NDUFAF6: variants seen among roughly 807,000 people sequenced by gnomAD.
NDUFAF6 encodes NADH dehydrogenase (ubiquinone) complex I, assembly factor 6.
In NDUFAF6, 45 loss-of-function variants were observed where a neutral mutation model predicts 40.8. The observed-to-expected ratio is 1.10, with a 90% CI of 0.87 to 1.42. The LOEUF (loss-of-function observed/expected upper bound fraction) is 1.42. Among genes scored for constraint, NDUFAF6 ranks in the 40% most tolerant of loss-of-function variants. The pLI, the probability that NDUFAF6 is intolerant of heterozygous loss-of-function variation, is 0.00. For missense variants in NDUFAF6, 435 were observed against 418.5 expected (o/e 1.04, Z -0.34); for synonymous variants, 185 against 155.9 (o/e 1.19, Z -1.39).
At chr8:94,995,641 C>T (rs1038286538) in intron 2 of NDUFAF6, among the ~76,000 whole-genome samples, 7 of 151,962 alleles carry the variant, frequency 4.6e-5, no homozygotes, top group South Asian at 2.1e-4. Context: ...ACTGAGAAAT[C>T]GCTTCATAGT....
intron 2 of NDUFAF6, among the ~76,000 whole-genome samples, chr8:95,014,501 G>A (rs1229382325): frequency 1.3e-5 from 2 of 152,336 alleles, no homozygotes; most frequent in South Asian, 2.1e-4. Context: ...CTCTGGGTAA[G>A]ATGAGAAGGT....
At chr8:94,971,126 C>G (rs10504939) in intron 1 of NDUFAF6, among the ~76,000 whole-genome samples, 19,933 of 152,230 alleles carry the variant, frequency 0.13, 1,638 homozygotes, top group Middle Eastern at 0.23. Context: ...AAGCATAATT[C>G]GAATCCAAAA....
chr8:95,015,063 C>T (rs1488974927), intron 2 of NDUFAF6, among the ~76,000 whole-genome samples: 2 of 152,180 alleles, frequency 1.3e-5, no homozygotes, highest in African/African-American at 4.8e-5. Flanking sequence ...ATGTCTACTA[C>T]AGTGGAAAGA....
At chr8:95,097,176 C>G (rs944008169), upstream of NDUFAF6, among the ~76,000 whole-genome samples, 9 of 152,178 alleles carry the variant, frequency 5.9e-5, no homozygotes, top group African/African-American at 2.2e-4. Flanking sequence ...GGGAAATTAC[C>G]AAAATACATG....
intron 5 of NDUFAF6, among the ~76,000 whole-genome samples, chr8:95,045,964 G>T (rs1014271876): frequency 6.6e-6 from 1 of 152,052 alleles, no homozygotes; most frequent in Non-Finnish European, 1.5e-5. Flanking sequence ...AAGGCCTATA[G>T]CCTGACTCTT....
chr8:94,957,489 C>T (rs1195801899), upstream of NDUFAF6, among the ~76,000 whole-genome samples: 2 of 152,128 alleles, frequency 1.3e-5, no homozygotes, highest in East Asian at 3.8e-4. Flanking sequence ...AATGGGGTGA[C>T]TGAAAAATAA....
At chr8:95,099,760 C>T (rs192428036), upstream of NDUFAF6, among the ~76,000 whole-genome samples, 23 of 152,172 alleles carry the variant, frequency 1.5e-4, no homozygotes, top group East Asian at 3.9e-3. Flanking sequence ...TTCATCTTAC[C>T]GGGGCTTGGT....
At chr8:95,046,120 G>A (rs190950556) in intron 5 of NDUFAF6, among the ~76,000 whole-genome samples, 1,945 of 151,744 alleles carry the variant, frequency 0.013, 31 homozygotes, top group African/African-American at 0.044. Context: ...GAGTGCAGTG[G>A]CTCAATCTCG....
chr8:94,962,630 T>TTTG (rs1823682129), intron 1 of NDUFAF6, among the ~76,000 whole-genome samples: 1 of 150,574 alleles, frequency 6.6e-6, no homozygotes, highest in Admixed American at 6.6e-5. Context: ...TTTTTTTTTT[T>TTTG]GAGACAATGT....
At chr8:94,934,717 AATC>A (rs1255995284) in intron 1 of NDUFAF6, among the ~76,000 whole-genome samples, 1 of 152,136 alleles carries the variant, frequency 6.6e-6, no homozygotes, top group Non-Finnish European at 1.5e-5. Flanking sequence ...TCAGAGGTAA[AATC>A]ATAATCAGAA....
intron 9 of NDUFAF6, among the ~76,000 whole-genome samples, chr8:95,071,225 C>T (rs1200784263): frequency 1.7e-5 from 1 of 58,662 alleles, no homozygotes; most frequent in South Asian, 1.1e-3. Flanking sequence ...CCCGTCTCTA[C>T]TAAAAATACA....
intron 1 of NDUFAF6, among the ~76,000 whole-genome samples, chr8:94,912,936 G>A (rs1366249100): frequency 6.6e-6 from 1 of 152,152 alleles, no homozygotes; most frequent in African/African-American, 2.4e-5. Context: ...CCCAGATCAC[G>A]CCACTGCATT....
intron 1 of NDUFAF6, among the ~76,000 whole-genome samples, chr8:94,969,512 G>A (rs922634748): frequency 1.3e-5 from 2 of 152,152 alleles, no homozygotes; most frequent in Non-Finnish European, 1.5e-5. Flanking sequence ...CTGGTGGTGC[G>A]TGTCTGTAAT....
chr8:94,994,465 C>T (rs192926072), intron 2 of NDUFAF6, among the ~76,000 whole-genome samples: 4 of 151,596 alleles, frequency 2.6e-5, no homozygotes, highest in South Asian at 2.1e-4. Flanking sequence ...GCAGGAGAAT[C>T]GCTTCAACCT....
intron 2 of NDUFAF6, among the ~76,000 whole-genome samples, chr8:95,087,059 C>A (rs1228471591): frequency 6.6e-6 from 1 of 151,426 alleles, no homozygotes; most frequent in Non-Finnish European, 1.5e-5. Context: ...CCAAATACAA[C>A]TTTTCTTTTG....
chr8:94,977,651 C>T (rs1019722729), intron 1 of NDUFAF6, among the ~76,000 whole-genome samples: 1 of 152,070 alleles, frequency 6.6e-6, no homozygotes, highest in African/African-American at 2.4e-5. Context: ...TCCGCTTCTC[C>T]TGTCCTTGGA....
intron 2 of NDUFAF6, among the ~76,000 whole-genome samples, chr8:94,996,281 T>C (rs114114582): frequency 0.01 from 1,532 of 152,284 alleles, 27 homozygotes; most frequent in African/African-American, 0.035. Context: ...CTCTCTTCTC[T>C]CATCCCTTCT....
chr8:95,096,607 A>G (rs1343317229), upstream of NDUFAF6, among the ~76,000 whole-genome samples: 1 of 152,192 alleles, frequency 6.6e-6, no homozygotes, highest in Non-Finnish European at 1.5e-5. Context: ...TTGCACCTCA[A>G]AGCTGTACAA....
intron 1 of NDUFAF6, among the ~76,000 whole-genome samples, chr8:94,916,465 T>G (rs965626469): frequency 6.6e-6 from 1 of 152,230 alleles, no homozygotes; most frequent in Non-Finnish European, 1.5e-5. Flanking sequence ...TTACTTAGTA[T>G]TTACATTTAA....
Sources: gnomAD v4.1 joint callset for allele counts (sites outside exome capture counted in the v4.1 genomes callset) on GRCh38, gnomAD v4.1.1 for gene constraint, MANE v1.5 for transcripts, NCBI Gene and HGNC (gene_info 2026-07-23, HGNC 2026-07-21) for gene names.